PUM1: variants seen among roughly 807,000 people sequenced by gnomAD.
The protein encoded by PUM1 is pumilio RNA binding family member 1, also known as pumilio homolog 1.
Under a neutral mutation model 131.8 loss-of-function variants are expected in PUM1, and 13 were observed. The observed-to-expected ratio is 0.10, with a 90% CI of 0.06 to 0.16. PUM1 has a LOEUF of 0.16. PUM1 is among the 10% of genes least tolerant of loss of function. The pLI is 1.00. For synonymous variants in PUM1, 509 were observed against 556.5 expected (o/e 0.91, Z 1.20); for missense variants, 961 against 1,512.4 (o/e 0.64, Z 6.05).
intron 13 of PUM1, 117 bp from the exon 14 acceptor site, chr1:30,965,027 G>C: frequency 1.3e-6 from 1 of 759,668 alleles, no homozygotes; most frequent in South Asian, 1.7e-5. Flanking sequence ...TTTGTCAGCA[G>C]AGACAGCCTA....
At chr1:31,042,915 G>A (rs1393037606) in intron 2 of PUM1, among the ~76,000 whole-genome samples, 1 of 152,018 alleles carries the variant, frequency 6.6e-6, no homozygotes, top group East Asian at 1.9e-4. Flanking sequence ...TCTCAGTAGT[G>A]ACAGGGTTTC....
At chr1:30,942,532 C>T (rs919015078) in intron 18 of PUM1, among the ~76,000 whole-genome samples, 7 of 151,896 alleles carry the variant, frequency 4.6e-5, no homozygotes, top group African/African-American at 9.7e-5. Context: ...GCTTTCACAC[C>T]GCCAGAACAA....
At position 30,953,750 on chromosome 1, in the gene PUM1, T is replaced by A. The variant is rs1394044153; in HGVS notation, c.2555A>T (p.His852Leu). The A allele has an allele frequency of 6.2e-7, 1 of 1,614,252 alleles. No individual in the cohort carries two copies. The highest frequency in any genetic ancestry group is 8.5e-7 in the Non-Finnish European group (1 of 1,180,046). ...CTGGTCTTGGGAAAATTCCATTATA[T>A]GTCCAGCAATCTCCCGCAGTTGTAA... ...PNLQLREIAG[H>L]IMEFSQDQHG... The change falls in exon 15 of 22, where the codon CAT (histidine) becomes CTT (leucine). Residue 852 changes from histidine (H) to leucine (L), a missense_variant. Around this residue, in one of 4 missense-constraint regions of PUM1, gnomAD observed 117 missense variants for 200.7 expected, o/e 0.58. Coordinates refer to ENST00000426105, the MANE Select transcript of PUM1 (RefSeq NM_001020658.2).
chr1:30,952,536 G>T (rs1438669764), intron 15 of PUM1, among the ~76,000 whole-genome samples, 173 bp from the exon 16 acceptor site: 1 of 152,060 alleles, frequency 6.6e-6, no homozygotes, highest in Non-Finnish European at 1.5e-5. Flanking sequence ...GAACTCCCTT[G>T]AAGAGTTTTT....
intron 3 of PUM1, among the ~76,000 whole-genome samples, chr1:31,009,801 A>C (rs77778457): frequency 1.3e-5 from 2 of 150,392 alleles, no homozygotes; most frequent in African/African-American, 2.4e-5. Flanking sequence ...AAACAGAAAC[A>C]AAAAAAAACA....
chr1:30,946,784 C>A (rs1639695840), intron 17 of PUM1, among the ~76,000 whole-genome samples: 1 of 151,952 alleles, frequency 6.6e-6, no homozygotes, highest in Admixed American at 6.6e-5. Context: ...TGGCACACAG[C>A]CATAATCCCA....
rs1329082079 is a variant in PUM1 at position 31,044,744 on chromosome 1, G to A, written c.363+14460C>T. ...CCAGGCTGGAGTGCAATTGCATGAT[G>A]TCGGCTCACTGCAAGCTCCGCCTCA... On this transcript the variant is annotated intron_variant, in intron 2 of 21. Coordinates refer to ENST00000426105, the MANE Select transcript of PUM1 (RefSeq NM_001020658.2). Among the ~76,000 whole-genome samples the A allele has an allele frequency of 1.3e-5, 2 of 151,886 alleles. 1 individual carries two copies. Among genetic ancestry groups the A allele is most frequent in the Non-Finnish European group, 2.9e-5 (2 of 67,986 alleles).
intron 18 of PUM1, among the ~76,000 whole-genome samples, chr1:30,944,032 C>A (rs752498014): frequency 2.0e-5 from 3 of 152,158 alleles, no homozygotes; most frequent in Admixed American, 6.5e-5. Context: ...TGAAAATATT[C>A]TCTCCTGGTG....
chr1:31,060,895 AAAAAAAATAAT>A (rs1644352604), intron 1 of PUM1, among the ~76,000 whole-genome samples: 1 of 151,570 alleles, frequency 6.6e-6, no homozygotes, highest in African/African-American at 2.4e-5. Flanking sequence ...CAGTAAAAAA[AAAAAAAATAAT>A]AAATAAATAA....
intron 1 of PUM1, among the ~76,000 whole-genome samples, chr1:31,059,967 C>T (rs953436472): frequency 1.3e-5 from 2 of 151,802 alleles, no homozygotes; most frequent in Non-Finnish European, 2.9e-5. Flanking sequence ...CTGCCTCAGC[C>T]TCCTGAGTAG....
At chr1:30,948,865 G>C (rs1241592828) in intron 17 of PUM1, among the ~76,000 whole-genome samples, 1 of 152,110 alleles carries the variant, frequency 6.6e-6, no homozygotes, top group Non-Finnish European at 1.5e-5. Flanking sequence ...ATTTAAAATA[G>C]CTTCACACTT....
rs202079814 is a variant in PUM1 at position 31,040,094 on chromosome 1, T to TA, written c.364-11231dup. Among the ~76,000 whole-genome samples the TA allele has an allele frequency of 7.2e-5, 11 of 152,064 alleles. No homozygotes were observed. In the East Asian group the frequency reaches 2.1e-3, roughly 29 times the overall value. On this transcript the variant is annotated intron_variant, in intron 2 of 21. Transcript: ENST00000426105. The stretch of plus-strand genomic sequence containing the variant: ...CTTAAGCCCAAGAATCTCTTTTTTT[T>TA]AAAAAATAGAGACAAGGGTCTCACT...
intron 17 of PUM1, among the ~76,000 whole-genome samples, chr1:30,946,510 G>A (rs555507555): frequency 7.9e-5 from 12 of 151,380 alleles, no homozygotes; most frequent in South Asian, 4.2e-4. Context: ...GGTGGTGCGC[G>A]CCTGTAATCT....
intron 5 of PUM1, among the ~76,000 whole-genome samples, chr1:30,996,012 T>C (rs1415629116): frequency 1.3e-5 from 2 of 152,212 alleles, no homozygotes; most frequent in African/African-American, 2.4e-5. Context: ...AGAATTTCTC[T>C]CTGAAGTGTC....
chr1:30,935,995 G>C (rs910926979), intron 21 of PUM1, among the ~76,000 whole-genome samples: 1 of 127,642 alleles, frequency 7.8e-6, no homozygotes, highest in African/African-American at 2.9e-5. Context: ...GGCCTGTTCA[G>C]GTGACTTCTC....
intron 5 of PUM1, among the ~76,000 whole-genome samples, chr1:31,005,196 T>C (rs1642355950): frequency 6.6e-6 from 1 of 152,220 alleles, no homozygotes; most frequent in African/African-American, 2.4e-5. Flanking sequence ...AGAAAAATGC[T>C]TAAGACTTAA....
At chr1:31,042,905 TC>T (rs1202085217) in intron 2 of PUM1, among the ~76,000 whole-genome samples, 1 of 152,166 alleles carries the variant, frequency 6.6e-6, no homozygotes, top group Non-Finnish European at 1.5e-5. Context: ...TCTTTTTTTT[TC>T]TCAGTAGTGA....
intron 9 of PUM1, among the ~76,000 whole-genome samples, chr1:30,978,517 T>G (rs1641230118): frequency 6.6e-6 from 1 of 152,206 alleles, no homozygotes; most frequent in African/African-American, 2.4e-5. Flanking sequence ...ATGTAAACAA[T>G]TTTTTAAAAA....
chr1:31,026,704 T>C (rs1643234760), intron 3 of PUM1, among the ~76,000 whole-genome samples: 1 of 152,222 alleles, frequency 6.6e-6, no homozygotes. Flanking sequence ...TGGCAAATTA[T>C]TTCATCTCTC....
Sources: allele counts gnomAD v4.1 joint callset (sites outside exome capture counted in the v4.1 genomes callset), GRCh38; gene constraint gnomAD v4.1.1; regional missense constraint gnomAD v4.1.1; transcripts MANE v1.5; gene names NCBI Gene and HGNC (gene_info 2026-07-23, HGNC 2026-07-21).